The following ARID1B variants were observed in gnomAD, a reference collection of about 807,000 sequenced individuals.
The protein encoded by ARID1B is AT-rich interaction domain 1B.
In ARID1B, 30 loss-of-function variants were observed where a neutral mutation model predicts 212.3. That is an observed-to-expected ratio of 0.14 (90% CI 0.11 to 0.19). ARID1B has a LOEUF of 0.19. Ranked by LOEUF, ARID1B falls within the 10% of genes least tolerant of loss-of-function variation. The probability of loss-of-function intolerance (pLI) is 1.00; values close to 1 mark genes in which losing one functional copy is unlikely to be tolerated. For missense variants in ARID1B, 2,891 were observed against 3,204.0 expected (o/e 0.90, Z 2.36); for synonymous variants, 1,402 against 1,301.7 (o/e 1.08, Z -1.66).
At chr6:156,818,915 T>C (rs1782162306) in intron 1 of ARID1B, among the ~76,000 whole-genome samples, 1 of 151,878 alleles carries the variant, frequency 6.6e-6, no homozygotes, top group Admixed American at 6.6e-5. Context: ...CTCCATATAA[T>C]AATGATGATA....
chr6:156,982,669 A>G (rs1031288216), intron 4 of ARID1B, among the ~76,000 whole-genome samples: 6 of 151,596 alleles, frequency 4.0e-5, no homozygotes, highest in African/African-American at 9.7e-5. Flanking sequence ...TGCCAATCTG[A>G]CTGTTAAATT....
intron 2 of ARID1B, among the ~76,000 whole-genome samples, chr6:156,867,708 T>C (rs1785806838): frequency 6.6e-6 from 1 of 152,196 alleles, no homozygotes; most frequent in Non-Finnish European, 1.5e-5. Flanking sequence ...ACAGAGAATA[T>C]ACTTCTGGTG....
In ARID1B at chr6:156,852,725, A is replaced by G. The variant is rs1179885894; in HGVS notation, c.1986+23304A>G. On this transcript the variant is annotated intron_variant, in intron 2 of 19. Coordinates refer to ENST00000636930, the MANE Select transcript of ARID1B (RefSeq NM_001374828.1). ...CTATTAATAGCTAATGACTTGTATT[A>G]TATTTTCCCGTGCCTGTGAACTCTA... Among the ~76,000 whole-genome samples the G allele has an allele frequency of 4.6e-5, 7 of 152,324 alleles. No individual in the cohort carries two copies. The East Asian group carries it at 7.7e-4, about 17-fold the overall frequency.
At position 157,084,901 on chromosome 6, in the gene ARID1B, C is replaced by A. The variant is rs546849919; in HGVS notation, c.2487C>A (p.Ile829=). The A allele has an allele frequency of 1.2e-6, 2 of 1,604,904 alleles. No individual in the cohort carries two copies. The highest frequency in any genetic ancestry group is 2.2e-5 in the South Asian group (2 of 89,698). Residue 829 remains isoleucine, a synonymous_variant, in exon 5 of 20, where the codon ATC becomes ATA. Transcript: ENST00000636930. ...SRSGPISPAS[I]PGSQMPPQPP... is the part of the protein sequence containing the mutation. ...CTGGCCCAATCTCTCCTGCAAGTAT[C>A]CCAGGTATTTACTTTCCTGACAATT...
intron 6 of ARID1B, among the ~76,000 whole-genome samples, chr6:157,111,631 T>G (rs1423824160): frequency 6.6e-6 from 1 of 152,170 alleles, no homozygotes; most frequent in Non-Finnish European, 1.5e-5. Flanking sequence ...ATTATGAGGT[T>G]TAAGTTATTT....
chr6:157,134,553 T>C (rs1020457085), intron 7 of ARID1B, among the ~76,000 whole-genome samples: 5 of 152,202 alleles, frequency 3.3e-5, no homozygotes, highest in Admixed American at 6.5e-5. Flanking sequence ...GAGTTTTCCA[T>C]GTTAGTAATT....
At chr6:157,087,328 CT>C (rs1785021653) in intron 5 of ARID1B, among the ~76,000 whole-genome samples, 1 of 152,174 alleles carries the variant, frequency 6.6e-6, no homozygotes, top group Non-Finnish European at 1.5e-5. Context: ...ATTTATTCAC[CT>C]TTCTCCCAAG....
intron 4 of ARID1B, among the ~76,000 whole-genome samples, chr6:157,039,724 T>C (rs1781681104): frequency 2.0e-5 from 2 of 102,386 alleles, no homozygotes; most frequent in Admixed American, 1.1e-4. Flanking sequence ...CCTTCCTTTC[T>C]TTCTTTCCCT....
chr6:157,080,520 T>A (rs1300406893), intron 4 of ARID1B, among the ~76,000 whole-genome samples: 1 of 152,248 alleles, frequency 6.6e-6, no homozygotes, highest in Admixed American at 6.5e-5. Flanking sequence ...ATCTGCAGAT[T>A]TTAAAAAATC....
At chr6:157,089,434 C>T (rs958161708) in intron 5 of ARID1B, among the ~76,000 whole-genome samples, 1 of 152,178 alleles carries the variant, frequency 6.6e-6, no homozygotes. Flanking sequence ...CAACACTGCC[C>T]CGCCACATCC....
chr6:156,953,026 G>A (rs1793701135), intron 4 of ARID1B, among the ~76,000 whole-genome samples: 1 of 152,182 alleles, frequency 6.6e-6, no homozygotes, highest in South Asian at 2.1e-4. Flanking sequence ...CAACTCTAGG[G>A]CTAGTGCTTT....
Position 156,964,131 on chromosome 6 carries a change from A to G in ARID1B, c.2247+28555A>G, listed in dbSNP as rs114248707. On this transcript the variant is annotated intron_variant, in intron 4 of 19. Coordinates refer to ENST00000636930, the MANE Select transcript of ARID1B (RefSeq NM_001374828.1). ...CCAGCCTTCCCCAAAGCCTGTCATC[A>G]TGGACTCAGCTGCATGCCTTATTAA... 4.1e-3 allele frequency among the ~76,000 whole-genome samples: 630 copies of G among 152,372 alleles called. 3 individuals carry two copies. The highest frequency in any genetic ancestry group is 0.015 in the African/African-American group (608 of 41,602).
chr6:157,089,604 G>A (rs573846857), intron 5 of ARID1B, among the ~76,000 whole-genome samples: 1 of 152,256 alleles, frequency 6.6e-6, no homozygotes, highest in African/African-American at 2.4e-5. Flanking sequence ...AGGCCTGCTT[G>A]TTGACTCTAA....
chr6:157,085,704 T>TA (rs201399506), intron 5 of ARID1B, among the ~76,000 whole-genome samples: 6,290 of 145,458 alleles, frequency 0.043, 349 homozygotes, highest in African/African-American at 0.14. Flanking sequence ...TCTTTTATAT[T>TA]AAAAAAAAAA....
At chr6:156,828,460 A>C (rs934779892) in intron 1 of ARID1B, among the ~76,000 whole-genome samples, 4 of 152,052 alleles carry the variant, frequency 2.6e-5, no homozygotes, top group African/African-American at 7.2e-5. Context: ...GGGCCTTTCT[A>C]CCTATTGCTT....
intron 15 of ARID1B, 102 bp from the exon 16 acceptor site, chr6:157,196,058 CAAAAA>C: frequency 7.0e-7 from 1 of 1,433,450 alleles, no homozygotes; most frequent in South Asian, 1.3e-5. Flanking sequence ...GACTCCATCT[CAAAAA>C]AAAGAAAAAG....
intron 4 of ARID1B, 138 bp from the exon 5 acceptor site, chr6:157,084,524 G>A: frequency 9.8e-7 from 1 of 1,022,986 alleles, no homozygotes; most frequent in South Asian, 1.7e-5. Flanking sequence ...AATAAAAAGT[G>A]GCCATGCTTT....
intron 4 of ARID1B, among the ~76,000 whole-genome samples, chr6:157,015,107 A>G (rs1298939520): frequency 4.6e-5 from 7 of 152,196 alleles, no homozygotes; most frequent in Admixed American, 4.6e-4. Context: ...CGTCGTAGCT[A>G]CTGAGAAAAT....
chr6:157,164,480 C>T (rs1401080418), intron 8 of ARID1B, among the ~76,000 whole-genome samples: 1 of 152,158 alleles, frequency 6.6e-6, no homozygotes, highest in East Asian at 1.9e-4. Flanking sequence ...AAACAAGTGT[C>T]TCAAGGAACC....
Sources: gnomAD v4.1 joint callset for allele counts (sites outside exome capture counted in the v4.1 genomes callset) on GRCh38, gnomAD v4.1.1 for gene constraint, MANE v1.5 for transcripts, NCBI Gene and HGNC (gene_info 2026-07-23, HGNC 2026-07-21) for gene names.